GMDS: variants seen among roughly 807,000 people sequenced by gnomAD.
The protein encoded by GMDS is GDP-mannose 4,6 dehydratase.
GMDS carries 20 observed loss-of-function variants against 49.9 expected under a neutral mutation model. The observed-to-expected ratio is 0.40, with a 90% CI of 0.28 to 0.58. The LOEUF (loss-of-function observed/expected upper bound fraction) is 0.58. Ranked by LOEUF, GMDS falls within the 20% of genes least tolerant of loss-of-function variation. The probability of loss-of-function intolerance (pLI) is 0.42; values close to 1 mark genes in which losing one functional copy is unlikely to be tolerated. For synonymous variants in GMDS, 177 were observed against 178.6 expected (o/e 0.99, Z 0.07); for missense variants, 362 against 481.4 (o/e 0.75, Z 2.32).
At chr6:2,060,262 C>T (rs2127446640) in intron 4 of GMDS, among the ~76,000 whole-genome samples, 1 of 152,290 alleles carries the variant, frequency 6.6e-6, no homozygotes, top group Middle Eastern at 3.4e-3. Flanking sequence ...TCACGACTGC[C>T]TTGCTGCTTT....
rs142525090 is a variant in GMDS, at chr6:1,717,320, A to G, written c.987+9096T>C. Among the ~76,000 whole-genome samples, 11 of 152,362 alleles carry G rather than the reference A, an allele frequency of 7.2e-5. No individual in the cohort carries two copies. The East Asian group carries it at 2.1e-3, about 29-fold the overall frequency. On this transcript the variant is annotated intron_variant, in intron 9 of 10. Coordinates refer to ENST00000380815, the MANE Select transcript of GMDS (RefSeq NM_001500.4). ...ACTCAGCTGGCTCTAGGGAGCAAGT[A>G]CAAAGATGGGTTTTTGCAGACAGGT...
intron 7 of GMDS, among the ~76,000 whole-genome samples, chr6:1,815,410 T>C (rs762808878): frequency 6.6e-6 from 1 of 152,236 alleles, no homozygotes; most frequent in Non-Finnish European, 1.5e-5. Flanking sequence ...TCATTTTTAC[T>C]GCTAAGTTCT....
intron 9 of GMDS, among the ~76,000 whole-genome samples, chr6:1,666,489 G>A (rs1447466885): frequency 1.3e-5 from 2 of 152,274 alleles, no homozygotes; most frequent in African/African-American, 4.8e-5. Flanking sequence ...CTACCTACTT[G>A]TTTATATTAA....
At chr6:1,896,691 G>A (rs911398374) in intron 7 of GMDS, among the ~76,000 whole-genome samples, 4 of 152,128 alleles carry the variant, frequency 2.6e-5, no homozygotes, top group African/African-American at 7.2e-5. Flanking sequence ...AGATTTCATC[G>A]TGAAGAAATC....
chr6:1,695,907 G>GTTTTTTTTTTTTTTTTTTTTTTT (rs11366742), intron 9 of GMDS, among the ~76,000 whole-genome samples: 1 of 124,412 alleles, frequency 8.0e-6, no homozygotes, highest in African/African-American at 3.1e-5. Flanking sequence ...TTCTGTCTTG[G>GTTTTTTTTTTTTTTTTTTTTTTT]TTTTTTTTTT....
chr6:1,968,828 C>T (rs1030314225), intron 4 of GMDS, among the ~76,000 whole-genome samples: 2 of 152,062 alleles, frequency 1.3e-5, no homozygotes, highest in Non-Finnish European at 2.9e-5. Flanking sequence ...CACAAACAGC[C>T]CCTACCCCAC....
chr6:1,727,411 A>G (rs1766635640), intron 8 of GMDS, among the ~76,000 whole-genome samples: 1 of 151,956 alleles, frequency 6.6e-6, no homozygotes, highest in Non-Finnish European at 1.5e-5. Context: ...TGGGTTATTT[A>G]TTTTTACATA....
chr6:1,891,998 A>C (rs959674052), intron 7 of GMDS, among the ~76,000 whole-genome samples: 42 of 152,248 alleles, frequency 2.8e-4, no homozygotes. Flanking sequence ...TTAACTTCTG[A>C]AGGTAGCATA....
intron 9 of GMDS, among the ~76,000 whole-genome samples, chr6:1,652,521 TA>T (rs1195094655): frequency 6.9e-5 from 1 of 14,498 alleles, no homozygotes; most frequent in African/African-American, 2.3e-4. Context: ...TATATATATT[TA>T]TATATAATAT....
chr6:1,967,012 C>T (rs12528819), intron 4 of GMDS, among the ~76,000 whole-genome samples: 22,298 of 152,084 alleles, frequency 0.15, 1,688 homozygotes, highest in East Asian at 0.21. Flanking sequence ...CACTTATCCC[C>T]CACTACGACG....
intron 1 of GMDS, among the ~76,000 whole-genome samples, chr6:2,141,554 T>C (rs1302472930): frequency 6.6e-6 from 1 of 152,142 alleles, no homozygotes. Flanking sequence ...TCAGCCTTCA[T>C]AAAACCGTGA....
At chr6:2,223,409 C>A (rs940992713) in intron 1 of GMDS, among the ~76,000 whole-genome samples, 1 of 151,546 alleles carries the variant, frequency 6.6e-6, no homozygotes, top group African/African-American at 2.4e-5. Context: ...AGCTGAGGAG[C>A]GACCATCTGA....
At chr6:1,968,835 C>T (rs1764415254) in intron 4 of GMDS, among the ~76,000 whole-genome samples, 1 of 152,112 alleles carries the variant, frequency 6.6e-6, no homozygotes, top group Non-Finnish European at 1.5e-5. Context: ...AGCCCCTACC[C>T]CACTAGACTG....
intron 7 of GMDS, among the ~76,000 whole-genome samples, chr6:1,875,788 G>A (rs754491993): frequency 6.6e-6 from 1 of 152,068 alleles, no homozygotes; most frequent in Non-Finnish European, 1.5e-5. Context: ...CACTTTGGGA[G>A]GCTGAGGGCA....
rs549280637 is a variant in GMDS, at chr6:1,944,767, G to A, written c.644-14537C>T. On this transcript the variant is annotated intron_variant, in intron 6 of 10. Coordinates refer to ENST00000380815, the MANE Select transcript of GMDS (RefSeq NM_001500.4). ...CCCAGCATAAAGACTGCAAAGTAACGAAATCTTCAAAAGACCTTTGATTCA... is the reference window on the plus strand; with the variant it reads ...CCCAGCATAAAGACTGCAAAGTAACAAAATCTTCAAAAGACCTTTGATTCA... Among the ~76,000 whole-genome samples, 28 of 151,202 alleles carry A rather than the reference G, an allele frequency of 1.9e-4. No individual in the cohort carries two copies. In the South Asian group the frequency reaches 4.6e-3, roughly 25 times the overall value.
At chr6:1,656,544 A>G (rs951061282) in intron 9 of GMDS, among the ~76,000 whole-genome samples, 18 of 152,246 alleles carry the variant, frequency 1.2e-4, no homozygotes, top group African/African-American at 3.6e-4. Flanking sequence ...TGGGCAGATC[A>G]CGAGGTCAGG....
intron 7 of GMDS, among the ~76,000 whole-genome samples, chr6:1,843,064 C>T (rs1404295626): frequency 1.3e-5 from 2 of 151,410 alleles, no homozygotes; most frequent in African/African-American, 4.9e-5. Context: ...GAGCTGAAAT[C>T]GTGTCACTGC....
chr6:2,197,979 T>C (rs369708473), intron 1 of GMDS, among the ~76,000 whole-genome samples: 1 of 152,172 alleles, frequency 6.6e-6, no homozygotes, highest in African/African-American at 2.4e-5. Context: ...CCCATCTCTA[T>C]CATTTACCAT....
chr6:2,216,285 G>A (rs796176459), intron 1 of GMDS, among the ~76,000 whole-genome samples: 3 of 152,208 alleles, frequency 2.0e-5, no homozygotes, highest in Non-Finnish European at 4.4e-5. Context: ...TCAGAAATAT[G>A]TACATAATGT....
Sources: allele counts gnomAD v4.1 joint callset (sites outside exome capture counted in the v4.1 genomes callset), GRCh38; gene constraint gnomAD v4.1.1; transcripts MANE v1.5; gene names NCBI Gene and HGNC (gene_info 2026-07-23, HGNC 2026-07-21).